RAP1GAP2: variants seen among roughly 807,000 people sequenced by gnomAD.
RAP1GAP2 encodes RAP1 GTPase activating protein 2.
Under a neutral mutation model 95.0 loss-of-function variants are expected in RAP1GAP2, and 27 were observed. The ratio of observed to expected loss-of-function variants is 0.28; its 90% CI spans 0.21 to 0.39. The LOEUF is 0.39. RAP1GAP2 is among the 10% of genes least tolerant of loss of function. The pLI is 1.00. For synonymous variants in RAP1GAP2, 373 were observed against 380.9 expected (o/e 0.98, Z 0.24); for missense variants, 771 against 970.0 (o/e 0.79, Z 2.72).
intron 13 of RAP1GAP2, among the ~76,000 whole-genome samples, chr17:2,995,700 G>A (rs1012505591): frequency 5.3e-5 from 8 of 152,236 alleles, no homozygotes; most frequent in African/African-American, 1.9e-4. Flanking sequence ...GGCCCTGGGC[G>A]GGAGGCGGGG....
intron 2 of RAP1GAP2, among the ~76,000 whole-genome samples, chr17:2,899,472 A>T (rs1485730207): frequency 6.6e-6 from 1 of 151,224 alleles, no homozygotes; most frequent in Non-Finnish European, 1.5e-5. Context: ...TGGCTTCCCA[A>T]AGTGCTGGGA....
chr17:3,026,993 A>G lies in RAP1GAP2; in HGVS notation c.2030A>G (p.Tyr677Cys). ...TSPFKQEVFV[Y>C]SPSPSSESPS... is the part of the protein sequence containing the mutation. The stretch of plus-strand genomic sequence containing the variant: ...CCCTTCAAGCAGGAGGTGTTTGTCT[A>G]CAGCCCGTCCCCGAGCAGCGAGAGC... Residue 677 changes from tyrosine to cysteine, a missense_variant, in exon 22 of 25, where the codon TAC becomes TGC. Physicochemically the swap from Tyr to Cys is radical, Grantham distance 194. Transcript: ENST00000254695. The G allele has an allele frequency of 1.3e-6, 2 of 1,558,296 alleles. No homozygotes were observed. The highest frequency in any genetic ancestry group is 1.4e-5 in the African/African-American group (1 of 73,450).
chr17:2,944,972 T>G (rs548145297), intron 3 of RAP1GAP2, among the ~76,000 whole-genome samples: 4 of 152,268 alleles, frequency 2.6e-5, no homozygotes, highest in African/African-American at 9.6e-5. Flanking sequence ...AAGCTCTGTC[T>G]CCCGGGTTCA....
At chr17:2,849,355 G>C (rs192025338) in intron 2 of RAP1GAP2, among the ~76,000 whole-genome samples, 1 of 152,218 alleles carries the variant, frequency 6.6e-6, no homozygotes, top group Non-Finnish European at 1.5e-5. Flanking sequence ...TTGGTGGCTG[G>C]GTGGGGCGAC....
chr17:3,021,817 A>G (rs111255032), intron 19 of RAP1GAP2, among the ~76,000 whole-genome samples: 2 of 152,254 alleles, frequency 1.3e-5, no homozygotes, highest in Non-Finnish European at 1.5e-5. Context: ...TGACAGGATT[A>G]CATTCTTTTC....
intron 1 of RAP1GAP2, among the ~76,000 whole-genome samples, chr17:2,756,309 G>A (rs1449015956): frequency 6.6e-6 from 1 of 152,232 alleles, no homozygotes; most frequent in East Asian, 1.9e-4. Flanking sequence ...AGGAGACCAG[G>A]GCAGGGGAGG....
rs2072792033 is a variant in RAP1GAP2 at position 2,870,327 on chromosome 17, C to T, written c.81-34957C>T. ...AAATACGGGGTTTTACTATGTTGGCCAGGCTGGTCTCAAACTCTTGACCTC... is the reference window on the plus strand; with the variant it reads ...AAATACGGGGTTTTACTATGTTGGCTAGGCTGGTCTCAAACTCTTGACCTC... On this transcript the variant is annotated intron_variant, in intron 2 of 24. Transcript: ENST00000254695. This position sits in a 1 kb window ranked among gnomAD's most constrained non-coding sequence, Gnocchi z 4.4. 6.6e-6 allele frequency among the ~76,000 whole-genome samples: 1 copy of T among 151,994 alleles called. No homozygotes were observed. The highest frequency in any genetic ancestry group is 1.5e-5 in the Non-Finnish European group (1 of 68,022).
intron 2 of RAP1GAP2, among the ~76,000 whole-genome samples, chr17:2,886,161 G>GTGTATA (rs1474586782): frequency 6.4e-5 from 8 of 124,680 alleles, no homozygotes; most frequent in African/African-American, 2.1e-4. Flanking sequence ...GTGTGTGTGT[G>GTGTATA]TATATATATA....
Position 2,871,751 on chromosome 17 carries a change from G to T in RAP1GAP2, c.81-33533G>T, listed in dbSNP as rs1177603217. 2.0e-5 allele frequency among the ~76,000 whole-genome samples: 3 copies of T among 152,274 alleles called. No individual in the cohort carries two copies. The highest frequency in any genetic ancestry group is 7.2e-5 in the African/African-American group (3 of 41,560). On this transcript the variant is annotated intron_variant, in intron 2 of 24. Coordinates refer to ENST00000254695, the MANE Select transcript of RAP1GAP2 (RefSeq NM_015085.5). This position sits in a 1 kb window ranked among gnomAD's most constrained non-coding sequence, Gnocchi z 5.0. ...CATGCTATCCTCCTTGACCCAGTGA[G>T]CCACCTCTGGGGATCTGTCAGATGT...
chr17:2,787,511 C>T (rs542924756), intron 1 of RAP1GAP2, among the ~76,000 whole-genome samples: 55 of 152,232 alleles, frequency 3.6e-4, no homozygotes, highest in African/African-American at 1.3e-3. Context: ...CTGCCTTGGC[C>T]TCCCAAAGTG....
chr17:3,025,944 C>T lies in RAP1GAP2; in HGVS notation c.1752-64C>T, dbSNP rs73976764. 3,083 of 1,232,916 alleles carry T rather than the reference C, an allele frequency of 2.5e-3. 38 individuals are homozygous for T. In the African/African-American group the frequency reaches 0.032, roughly 13 times the overall value. 76.4% of individuals were successfully genotyped at this position (1,232,916 alleles called of 1,614,324 possible). A position where few individuals can be genotyped will look rare whatever the true frequency, so the allele number is the denominator to read the frequency against. On this transcript the variant is annotated intron_variant, in intron 19 of 24. Coordinates refer to ENST00000254695, the MANE Select transcript of RAP1GAP2 (RefSeq NM_015085.5). ...GTGCCGAGAGAGGCTCTGCCTGGGGCCGTGGATGGGGTGGGGGTTGAGGGC... is the reference window on the plus strand; with the variant it reads ...GTGCCGAGAGAGGCTCTGCCTGGGGTCGTGGATGGGGTGGGGGTTGAGGGC...
At chr17:3,010,056 G>A (rs9911705) in intron 17 of RAP1GAP2, among the ~76,000 whole-genome samples, 3,380 of 152,066 alleles carry the variant, frequency 0.022, 117 homozygotes, top group African/African-American at 0.066. Flanking sequence ...ACTATAAGAG[G>A]TGAGGCCAGG....
intron 18 of RAP1GAP2, among the ~76,000 whole-genome samples, chr17:3,019,289 A>T (rs1597888547): frequency 6.6e-6 from 1 of 152,108 alleles, no homozygotes; most frequent in Non-Finnish European, 1.5e-5. Context: ...AGGAGGGTGG[A>T]TCCCTTGAGT....
At chr17:2,980,128 A>C (rs768729359) in intron 8 of RAP1GAP2, among the ~76,000 whole-genome samples, 159 bp from the exon 9 acceptor site, 9 of 151,910 alleles carry the variant, frequency 5.9e-5, no homozygotes, top group Non-Finnish European at 1.2e-4. Flanking sequence ...TTTTTAGTAG[A>C]GACTGGGTTT....
exon 2 of RAP1GAP2, chr17:2,770,423 G>T (rs1376250036): frequency 2.5e-6 from 1 of 398,558 alleles, no homozygotes; most frequent in Non-Finnish European, 4.4e-6. Flanking sequence ...CCTCAGCCGG[G>T]CTGACCTCGA....
In RAP1GAP2 at chr17:2,998,363, C is replaced by A. The variant is rs753028462; in HGVS notation, c.1187C>A (p.Thr396Asn). 5 of 1,613,866 alleles carry A rather than the reference C, an allele frequency of 3.1e-6. No homozygotes were observed. The highest frequency in any genetic ancestry group is 4.2e-6 in the Non-Finnish European group (5 of 1,179,876). Residue 396 changes from threonine (T) to asparagine (N), a missense_variant, in exon 14 of 25, where the codon ACC (threonine) becomes AAC (asparagine). Thr to Asn is a moderately conservative substitution (Grantham distance 65). Transcript: ENST00000254695. Reference protein sequence around the residue: ...VVQVETPGTETPSYKVSVTAR... With the variant: ...VVQVETPGTENPSYKVSVTAR... Reference sequence around the variant, plus strand: ...CAGGTCGAGACCCCAGGCACAGAGACCCCATCCTACAAGGTAAGGAGAACG... The same window carrying A: ...CAGGTCGAGACCCCAGGCACAGAGAACCCATCCTACAAGGTAAGGAGAACG...
At chr17:2,889,348 C>T (rs2073609449) in intron 2 of RAP1GAP2, among the ~76,000 whole-genome samples, 1 of 152,134 alleles carries the variant, frequency 6.6e-6, no homozygotes, top group Non-Finnish European at 1.5e-5. Context: ...TTTTTGAGTT[C>T]ATTCAGTGCC....
chr17:2,892,763 T>C (rs2073765136), intron 2 of RAP1GAP2, among the ~76,000 whole-genome samples: 1 of 152,156 alleles, frequency 6.6e-6, no homozygotes, highest in African/African-American at 2.4e-5. Flanking sequence ...ATGTTACGTC[T>C]GTCTCATTCT....
chr17:2,760,409 C>T (rs565684220), intron 1 of RAP1GAP2, among the ~76,000 whole-genome samples: 64 of 151,408 alleles, frequency 4.2e-4, no homozygotes, highest in Non-Finnish European at 3.1e-4. Flanking sequence ...GGCGCAATCT[C>T]AGCTCACTGC....
Sources: gnomAD v4.1 joint callset for allele counts (sites outside exome capture counted in the v4.1 genomes callset) on GRCh38, gnomAD v4.1.1 for gene constraint, Gnocchi (gnomAD v3.1) non-coding constraint, MANE v1.5 for transcripts, NCBI Gene and HGNC (gene_info 2026-07-23, HGNC 2026-07-21) for gene names.